The following DNAJC6 variants were observed in gnomAD, a reference collection of about 807,000 sequenced individuals.
DNAJC6 encodes the protein DnaJ heat shock protein family (Hsp40) member C6.
A neutral mutation model predicts 110.0 loss-of-function variants in DNAJC6; 34 were observed. That is an observed-to-expected ratio of 0.31 (90% CI 0.24 to 0.41). DNAJC6 has a LOEUF of 0.41. Ranked by LOEUF, DNAJC6 falls within the 10% of genes least tolerant of loss-of-function variation. The pLI is 1.00. For synonymous variants in DNAJC6, 406 were observed against 437.2 expected (o/e 0.93, Z 0.89); for missense variants, 1,031 against 1,207.8 (o/e 0.85, Z 2.17).
intron 11 of DNAJC6, among the ~76,000 whole-genome samples, chr1:65,390,493 C>T (rs1184321798): frequency 6.6e-6 from 1 of 152,246 alleles, no homozygotes; most frequent in Non-Finnish European, 1.5e-5. Flanking sequence ...CAATATAACA[C>T]TTCCAGCTGC....
At position 65,309,925 on chromosome 1, in the gene DNAJC6, C is replaced by T. The variant is rs1275096027; in HGVS notation, c.180C>T (p.Thr60=). 1 of 1,507,874 alleles carries T rather than the reference C, an allele frequency of 6.6e-7. No individual in the cohort carries two copies. The highest frequency in any genetic ancestry group is 1.4e-5 in the African/African-American group (1 of 69,790). The allele number at this position is 1,507,874 out of a possible 1,614,324, so 93.4% of individuals were successfully genotyped here. Residue 60 remains threonine (T), a synonymous_variant, in exon 1 of 19, where the codon ACC becomes ACT. Transcript: ENST00000371069. ...GACAGCCTCCGGACCGCGCCAGCAC[C>T]ATGGACAGCTCAGGTAGCGCTGCCC... is the stretch of plus-strand genomic sequence containing the variant. The part of the protein sequence containing the change: ...PARQPPDRAS[T]MDSSGASSPD...
intron 1 of DNAJC6, among the ~76,000 whole-genome samples, chr1:65,352,480 C>T (rs1354546389): frequency 1.3e-5 from 2 of 152,154 alleles, no homozygotes; most frequent in Admixed American, 1.3e-4. Flanking sequence ...ACGAATTGAC[C>T]TCTTTGAGAC....
Position 65,384,220 on chromosome 1 carries a change from G to C in DNAJC6, c.694G>C (p.Val232Leu), listed in dbSNP as rs1318606157. The C allele has an allele frequency of 6.4e-7, 1 of 1,558,622 alleles. No individual in the cohort carries two copies. Among genetic ancestry groups the C allele is most frequent in the Non-Finnish European group, 8.7e-7 (1 of 1,155,424 alleles). ...TGGACGGGCGGCATCATCAATTCTG[G>C]TTGGTGCTATGTTCATTTTCTGTAA... The part of the protein sequence containing the change: ...LDGRAASSIL[V>L]GAMFIFCNLY... Residue 232 changes from valine (V) to leucine (L), a missense_variant, in exon 6 of 19, where the codon GTT (valine) becomes CTT (leucine). Val to Leu is a conservative substitution (Grantham distance 32). Transcript: ENST00000371069.
intron 1 of DNAJC6, among the ~76,000 whole-genome samples, chr1:65,273,519 C>G (rs927077970): frequency 3.3e-5 from 5 of 151,828 alleles, no homozygotes; most frequent in Non-Finnish European, 5.9e-5. Context: ...TTGCTTGAAC[C>G]CGGGAGGCGG....
chr1:65,341,324 GAGGA>G (rs1645387462), intron 1 of DNAJC6, among the ~76,000 whole-genome samples: 1 of 152,138 alleles, frequency 6.6e-6, no homozygotes, highest in Non-Finnish European at 1.5e-5. Context: ...GGATTTTGCA[GAGGA>G]CACATTGTTC....
chr1:65,312,455 A>G (rs1303433148), intron 1 of DNAJC6, among the ~76,000 whole-genome samples: 2 of 152,216 alleles, frequency 1.3e-5, no homozygotes, highest in Non-Finnish European at 2.9e-5. Flanking sequence ...TTTGTTTAGT[A>G]TATCTAATTA....
chr1:65,378,210 G>T (rs1645785289), intron 4 of DNAJC6, among the ~76,000 whole-genome samples: 1 of 152,094 alleles, frequency 6.6e-6, no homozygotes, highest in African/African-American at 2.4e-5. Context: ...TTAGGCTCTT[G>T]TTATCCATTT....
rs3930551 is a variant in DNAJC6 at position 65,395,191 on chromosome 1, T to G, written c.2038+159T>G. ...AACAACTCACCTTAACATATCAAAA[T>G]CTCTGGGCTGTCTTACAGGACAGAA... On this transcript the variant is annotated intron_variant, in intron 13 of 18. Transcript: ENST00000371069. 0.18 allele frequency among the ~76,000 whole-genome samples: 27,303 copies of G among 152,126 alleles called. 5,458 individuals are homozygous for G. The highest frequency in any genetic ancestry group is 0.58 in the East Asian group (2,979 of 5,160).
At chr1:65,324,772 C>T (rs1250658964) in intron 1 of DNAJC6, among the ~76,000 whole-genome samples, 1 of 152,162 alleles carries the variant, frequency 6.6e-6, no homozygotes, top group Admixed American at 6.6e-5. Context: ...TGTCTGGAGA[C>T]ATTTTTAGTT....
intron 1 of DNAJC6, among the ~76,000 whole-genome samples, chr1:65,324,795 G>A (rs1645227637): frequency 1.3e-5 from 2 of 152,150 alleles, no homozygotes; most frequent in Admixed American, 6.5e-5. Flanking sequence ...CACAATAGTG[G>A]GGGGAACTGT....
At chr1:65,312,571 T>C (rs1645111023) in intron 1 of DNAJC6, among the ~76,000 whole-genome samples, 1 of 152,224 alleles carries the variant, frequency 6.6e-6, no homozygotes, top group South Asian at 2.1e-4. Context: ...TTTGCTCTGA[T>C]AGAAATATTA....
intron 1 of DNAJC6, among the ~76,000 whole-genome samples, chr1:65,293,728 A>T (rs1038765836): frequency 8.5e-5 from 13 of 152,318 alleles, no homozygotes; most frequent in African/African-American, 3.1e-4. Context: ...TAATACCATT[A>T]TCAAGAGCTA....
chr1:65,410,430 G>A (rs9436730), intron 17 of DNAJC6, among the ~76,000 whole-genome samples: 12 of 152,088 alleles, frequency 7.9e-5, no homozygotes, highest in African/African-American at 1.2e-4. Context: ...CTCAATAACC[G>A]TTGTTCATTA....
At chr1:65,337,931 C>T (rs1009957253) in intron 1 of DNAJC6, among the ~76,000 whole-genome samples, 4 of 152,164 alleles carry the variant, frequency 2.6e-5, no homozygotes, top group African/African-American at 9.6e-5. Flanking sequence ...CTGAAGCTAG[C>T]TCCTGAATGC....
intron 1 of DNAJC6, among the ~76,000 whole-genome samples, chr1:65,323,277 G>A (rs11208631): frequency 0.095 from 14,481 of 152,208 alleles, 914 homozygotes; most frequent in East Asian, 0.24. Flanking sequence ...TTTGTCGGAG[G>A]AGGGGCCTGG....
intron 1 of DNAJC6, 79 bp downstream of exon 1, chr1:65,310,017 C>A (rs529314353): frequency 2.2e-6 from 3 of 1,366,624 alleles, no homozygotes; most frequent in East Asian, 3.0e-5. Flanking sequence ...CCGAGGCCCC[C>A]CCGTGGTCCC....
chr1:65,349,077 A>AAAATATATATGTAAATATATATATAT, intron 1 of DNAJC6, among the ~76,000 whole-genome samples: 1 of 110,428 alleles, frequency 9.1e-6, no homozygotes, highest in South Asian at 3.2e-4. Context: ...TACATATATA[A>AAAATATATATGTAAATATATATATAT]AAATATATAT....
In DNAJC6 at chr1:65,349,292, T is replaced by C. The variant is rs113261586; in HGVS notation, c.194-15343T>C. Among the ~76,000 whole-genome samples the C allele has an allele frequency of 2.0e-3, 306 of 151,894 alleles. 2 individuals are homozygous for C. Among genetic ancestry groups the C allele is most frequent in the African/African-American group, 7.1e-3 (295 of 41,464 alleles). On this transcript the variant is annotated intron_variant, in intron 1 of 18. Coordinates refer to ENST00000371069, the MANE Select transcript of DNAJC6 (RefSeq NM_001256864.2). ...TTTGTGCTATTTTGTCATATATTTT[T>C]CATCTGTGTAATAACACCACAATAC...
At chr1:65,305,060 G>A (rs1257127516), upstream of DNAJC6, among the ~76,000 whole-genome samples, 1 of 152,220 alleles carries the variant, frequency 6.6e-6, no homozygotes, top group Non-Finnish European at 1.5e-5. Context: ...GCCAAAGTAA[G>A]TTTCAATACT....
Sources: allele counts gnomAD v4.1 joint callset (sites outside exome capture counted in the v4.1 genomes callset), GRCh38; gene constraint gnomAD v4.1.1; transcripts MANE v1.5; gene names NCBI Gene and HGNC (gene_info 2026-07-23, HGNC 2026-07-21).